The following BICDL1 variants were observed in gnomAD, a reference collection of about 807,000 sequenced individuals.
BICDL1 encodes BICD family like cargo adaptor 1.
BICDL1 carries 20 observed loss-of-function variants against 76.8 expected under a neutral mutation model. That is an observed-to-expected ratio of 0.26 (90% CI 0.18 to 0.38). BICDL1 has a LOEUF of 0.38. BICDL1 is among the 10% of genes least tolerant of loss of function. BICDL1 has a pLI of 1.00. For synonymous variants in BICDL1, 383 were observed against 337.1 expected (o/e 1.14, Z -1.49); for missense variants, 700 against 798.6 (o/e 0.88, Z 1.49).
chr12:120,087,260 G>A (rs1232110843), intron 8 of BICDL1, among the ~76,000 whole-genome samples: 1 of 152,258 alleles, frequency 6.6e-6, no homozygotes, highest in African/African-American at 2.4e-5. Flanking sequence ...GACGGGCTCG[G>A]GTCCCGTCGC....
At chr12:119,997,067 G>GCTA (rs1170404113) in intron 1 of BICDL1, among the ~76,000 whole-genome samples, 2 of 151,606 alleles carry the variant, frequency 1.3e-5, no homozygotes, top group African/African-American at 4.9e-5. Flanking sequence ...TCCTGCCTCA[G>GCTA]CCTCCTGGGT....
At chr12:119,991,576 T>G (rs1227714861) in intron 1 of BICDL1, among the ~76,000 whole-genome samples, 1 of 152,106 alleles carries the variant, frequency 6.6e-6, no homozygotes, top group Non-Finnish European at 1.5e-5. Context: ...AATTGTTTAA[T>G]TTTCACTTGA....
intron 8 of BICDL1, among the ~76,000 whole-genome samples, chr12:120,086,349 G>A: frequency 6.6e-6 from 1 of 152,236 alleles, no homozygotes; most frequent in Non-Finnish European, 1.5e-5. Context: ...CCCCCCATTT[G>A]TATAGTAACT....
At chr12:120,057,600 T>C (rs1304190454) in intron 2 of BICDL1, among the ~76,000 whole-genome samples, 1 of 152,200 alleles carries the variant, frequency 6.6e-6, no homozygotes, top group Non-Finnish European at 1.5e-5. Flanking sequence ...ATTCTATCTC[T>C]GAAAAAGAAG....
intron 8 of BICDL1, among the ~76,000 whole-genome samples, chr12:120,081,937 A>C (rs1594212326): frequency 6.6e-6 from 1 of 151,302 alleles, no homozygotes; most frequent in Admixed American, 6.6e-5. Context: ...TAAAAAAAAA[A>C]AAAACACAAT....
At chr12:120,073,232 C>G (rs748608231) in intron 6 of BICDL1, among the ~76,000 whole-genome samples, 15 of 152,234 alleles carry the variant, frequency 9.9e-5, no homozygotes, top group Admixed American at 4.6e-4. Flanking sequence ...GGCCAAGTGT[C>G]AGGGCTCCAA....
rs1337575256 is a variant in BICDL1 at position 120,064,737 on chromosome 12, A to G, written c.767A>G (p.Lys256Arg). The G allele has an allele frequency of 6.2e-7, 1 of 1,608,232 alleles. No individual in the cohort carries two copies. The highest frequency in any genetic ancestry group is 2.2e-5 in the East Asian group (1 of 44,708). Residue 256 changes from lysine to arginine, a missense_variant, in exon 4 of 10, where the codon AAG becomes AGG. Physicochemically the swap from Lys to Arg is conservative, Grantham distance 26. Transcript: ENST00000548673. ...TGTGGCTCTCCACCCTTTCAGATCA[A>G]GATGCTGTCAGATCGGAAACGGGAG... ...IRLESLQAEI[K>R]MLSDRKRELE...
intron 2 of BICDL1, among the ~76,000 whole-genome samples, chr12:120,051,926 C>A (rs1952867360): frequency 6.6e-6 from 1 of 150,846 alleles, no homozygotes. Context: ...GTTTCTCAGT[C>A]TTTGTTGTTG....
At chr12:120,052,195 G>T (rs1178862236) in intron 2 of BICDL1, among the ~76,000 whole-genome samples, 2 of 151,784 alleles carry the variant, frequency 1.3e-5, no homozygotes, top group Admixed American at 6.6e-5. Flanking sequence ...GCCCACCTTG[G>T]CCTCCCAAAG....
intron 8 of BICDL1, among the ~76,000 whole-genome samples, chr12:120,087,473 T>C (rs76897310): frequency 0.022 from 3,311 of 152,342 alleles, 127 homozygotes; most frequent in African/African-American, 0.074. Context: ...TTCCTTTTTC[T>C]GGCCGCACTT....
rs189869030 is a variant in BICDL1, at chr12:120,088,716, C to G, written c.1584-1235C>G. Among the ~76,000 whole-genome samples, 83 of 148,274 alleles carry G rather than the reference C, an allele frequency of 5.6e-4. No individual in the cohort carries two copies. In the East Asian group the frequency reaches 8.5e-3, roughly 15 times the overall value. ...GAGTCTTGTTCTGTCACCCAGGCTGCAGTGCAGTGGCGCGATCTGGGCTTA... is the reference window on the plus strand; with the variant it reads ...GAGTCTTGTTCTGTCACCCAGGCTGGAGTGCAGTGGCGCGATCTGGGCTTA... On this transcript the variant is annotated intron_variant, in intron 8 of 9. Transcript: ENST00000548673.
At chr12:120,068,704 T>C (rs947543298) in intron 4 of BICDL1, among the ~76,000 whole-genome samples, 1 of 152,192 alleles carries the variant, frequency 6.6e-6, no homozygotes. Context: ...TGGTCCCAGC[T>C]ACTAGGGAGG....
chr12:120,018,013 T>G (rs1952101399), intron 2 of BICDL1, among the ~76,000 whole-genome samples: 1 of 152,234 alleles, frequency 6.6e-6, no homozygotes, highest in South Asian at 2.1e-4. Context: ...TTTGGTTTCA[T>G]CTTTTTGGAT....
intron 2 of BICDL1, among the ~76,000 whole-genome samples, chr12:120,032,824 G>A (rs889771721): frequency 7.0e-6 from 1 of 143,626 alleles, no homozygotes; most frequent in African/African-American, 2.7e-5. Context: ...TTGGCTCACT[G>A]CAACTTCCGC....
Position 120,093,251 on chromosome 12 carries a change from A to G in BICDL1, c.*90A>G. 7.0e-7 allele frequency: 1 copy of G among 1,424,470 alleles called. No homozygotes were observed. The highest frequency in any genetic ancestry group is 9.6e-7 in the Non-Finnish European group (1 of 1,041,990). The allele number at this position is 1,424,470 out of a possible 1,614,324, so 88.2% of individuals were successfully genotyped here. A position where few individuals can be genotyped will look rare whatever the true frequency, so the allele number is the denominator to read the frequency against. On this transcript the variant is annotated 3_prime_UTR_variant, in exon 10 of 10. Coordinates refer to ENST00000548673, the MANE Select transcript of BICDL1 (RefSeq NM_001367886.1). ...AGGCCTCCCCTGCAGCTTGCACCTC[A>G]GCAGCTGCCCTGCCCCTCATGCTAG...
At chr12:120,022,444 T>C in intron 2 of BICDL1, among the ~76,000 whole-genome samples, 1 of 147,046 alleles carries the variant, frequency 6.8e-6, no homozygotes, top group Middle Eastern at 3.6e-3. Context: ...ATATATAATA[T>C]ATGTATTTTA....
At position 120,093,346 on chromosome 12, in the gene BICDL1, C is replaced by A; in HGVS notation, c.*185C>A. ...ATGGAGACCTAGAGGTGGGGGCCTG[C>A]CTTGGCCACTGAAGGCTTCCCTTGG... is the stretch of plus-strand genomic sequence containing the variant. On this transcript the variant is annotated 3_prime_UTR_variant, in exon 10 of 10. Coordinates refer to ENST00000548673, the MANE Select transcript of BICDL1 (RefSeq NM_001367886.1). 1.4e-6 allele frequency: 1 copy of A among 692,896 alleles called. No homozygotes were observed. Among genetic ancestry groups the A allele is most frequent in the Non-Finnish European group, 2.3e-6 (1 of 426,940 alleles). The allele number at this position is 692,896 out of a possible 1,614,324, so 42.9% of individuals were successfully genotyped here.
chr12:120,010,168 T>G (rs1012692608), intron 2 of BICDL1, among the ~76,000 whole-genome samples: 1 of 152,240 alleles, frequency 6.6e-6, no homozygotes, highest in African/African-American at 2.4e-5. Flanking sequence ...TCCATGCCAC[T>G]TCTATTAACT....
chr12:120,076,248 C>T (rs756405763), intron 7 of BICDL1, among the ~76,000 whole-genome samples: 1 of 152,118 alleles, frequency 6.6e-6, no homozygotes, highest in Admixed American at 6.5e-5. Flanking sequence ...AGTTCTTCAG[C>T]GGGTAATTTG....
Sources: gnomAD v4.1 joint callset for allele counts (sites outside exome capture counted in the v4.1 genomes callset) on GRCh38, gnomAD v4.1.1 for gene constraint, MANE v1.5 for transcripts, NCBI Gene and HGNC (gene_info 2026-07-23, HGNC 2026-07-21) for gene names.